ACO2: variants seen among roughly 807,000 people sequenced by gnomAD.
The protein encoded by ACO2 is aconitase 2.
ACO2 carries 31 observed loss-of-function variants against 84.5 expected under a neutral mutation model. The ratio of observed to expected loss-of-function variants is 0.37; its 90% CI spans 0.28 to 0.50. ACO2 has a LOEUF of 0.50. Ranked by LOEUF, ACO2 falls within the 20% of genes least tolerant of loss-of-function variation. The pLI, the probability that ACO2 is intolerant of heterozygous loss-of-function variation, is 0.97. For missense variants in ACO2, 685 were observed against 1,029.3 expected (o/e 0.67, Z 4.58); for synonymous variants, 414 against 412.7 (o/e 1.00, Z -0.04).
intron 14 of ACO2, 138 bp downstream of exon 14, chr22:41,525,486 A>C: frequency 9.0e-7 from 1 of 1,110,554 alleles, no homozygotes; most frequent in Non-Finnish European, 1.3e-6. Context: ...GTTTGGCTGC[A>C]GAGCAGAGAG....
chr22:41,505,749 C>G (rs1238397251), intron 2 of ACO2, among the ~76,000 whole-genome samples: 1 of 151,716 alleles, frequency 6.6e-6, no homozygotes, highest in Non-Finnish European at 1.5e-5. Context: ...GAAAGCCAAT[C>G]AGTAGTGGCA....
At chr22:41,473,972 G>A (rs1424671269) in intron 1 of ACO2, among the ~76,000 whole-genome samples, 1 of 152,104 alleles carries the variant, frequency 6.6e-6, no homozygotes, top group Non-Finnish European at 1.5e-5. Flanking sequence ...GTGAAAACTG[G>A]GAGATTTTAA....
intron 8 of ACO2, among the ~76,000 whole-genome samples, chr22:41,519,457 A>G (rs939512214): frequency 1.3e-5 from 2 of 152,150 alleles, no homozygotes; most frequent in African/African-American, 2.4e-5. Flanking sequence ...AGTGCCTCGC[A>G]TTTACTGATG....
chr22:41,499,796 A>G lies in ACO2; in HGVS notation c.107A>G (p.His36Arg), dbSNP rs1331957699. Reference protein sequence around the residue: ...LCQRAKVAMSHFEPNEYIHYD... With the variant: ...LCQRAKVAMSRFEPNEYIHYD... ...CAACGGGCCAAGGTGGCGATGAGCC[A>G]CTTTGAGCCCAACGAGTACATCCAT... Residue 36 changes from histidine to arginine, a missense_variant, in exon 2 of 18, where the codon CAC becomes CGC. This residue lies in a region of ACO2 where 98 missense variants were observed against 107.6 expected (regional missense o/e 0.91). Transcript: ENST00000216254. The G allele has an allele frequency of 6.2e-7, 1 of 1,614,152 alleles. No homozygotes were observed. The highest frequency in any genetic ancestry group is 1.3e-5 in the African/African-American group (1 of 75,066).
chr22:41,499,130 T>A (rs919255875), intron 1 of ACO2, among the ~76,000 whole-genome samples: 1 of 151,976 alleles, frequency 6.6e-6, no homozygotes, highest in Admixed American at 6.6e-5. Context: ...GGCACCACCT[T>A]TTGAAGGGAT....
chr22:41,528,388 C>T lies in ACO2; in HGVS notation c.2209-91C>T, dbSNP rs574821323. ...GGTTTGCCTGCTGACCTCTTAGGTCCCCAGGCAGTGCCCTGTCTCCCTGAC... is the reference window on the plus strand; with the variant it reads ...GGTTTGCCTGCTGACCTCTTAGGTCTCCAGGCAGTGCCCTGTCTCCCTGAC... On this transcript the variant is annotated intron_variant, in intron 17 of 17. Transcript: ENST00000216254. The T allele has an allele frequency of 2.3e-5, 36 of 1,532,908 alleles. No individual in the cohort carries two copies. In the Admixed American group the frequency reaches 5.3e-4, roughly 22 times the overall value. 95.0% of individuals were successfully genotyped at this position (1,532,908 alleles called of 1,614,324 possible). A position where few individuals can be genotyped will look rare whatever the true frequency, so the allele number is the denominator to read the frequency against.
chr22:41,520,025 C>T, intron 8 of ACO2, 146 bp from the exon 9 acceptor site: 1 of 670,122 alleles, frequency 1.5e-6, no homozygotes, highest in East Asian at 2.9e-5. Flanking sequence ...GAGCCAACTG[C>T]TCAGTTCTTC....
chr22:41,517,327 G>A, intron 6 of ACO2, 200 bp from the exon 7 acceptor site: 1 of 558,132 alleles, frequency 1.8e-6, no homozygotes, highest in Non-Finnish European at 3.3e-6. Flanking sequence ...CCTGAGCTCT[G>A]ATCCCCATGG....
At chr22:41,470,503 T>C (rs898402071) in intron 1 of ACO2, among the ~76,000 whole-genome samples, 4 of 150,480 alleles carry the variant, frequency 2.7e-5, no homozygotes, top group African/African-American at 9.8e-5. Context: ...AGGGAAAGGA[T>C]TTGCACCTAA....
At position 41,524,963 on chromosome 22, in the gene ACO2, A is replaced by C; in HGVS notation, c.1600A>C (p.Lys534Gln). 1 of 1,614,178 alleles carries C rather than the reference A, an allele frequency of 6.2e-7. No individual in the cohort carries two copies. The highest frequency in any genetic ancestry group is 8.5e-7 in the Non-Finnish European group (1 of 1,180,038). Residue 534 changes from lysine to glutamine, a missense_variant, in exon 13 of 18, where the codon AAA becomes CAA. Lys to Gln is a moderately conservative substitution (Grantham distance 53). Coordinates refer to ENST00000216254, the MANE Select transcript of ACO2 (RefSeq NM_001098.3). ...GGCTCCGGATGCAGATGAGCTTCCCAAAGGGGTGAGCGCCCACGCCCCCTG... is the reference window on the plus strand; with the variant it reads ...GGCTCCGGATGCAGATGAGCTTCCCCAAGGGGTGAGCGCCCACGCCCCCTG... ...LEAPDADELPKGEFDPGQDTY... is the reference protein window; with the variant it reads ...LEAPDADELPQGEFDPGQDTY...
chr22:41,503,657 G>A (rs968538927), intron 2 of ACO2, among the ~76,000 whole-genome samples: 1 of 152,140 alleles, frequency 6.6e-6, no homozygotes, highest in Non-Finnish European at 1.5e-5. Context: ...TTGCCACAGA[G>A]CAGGTCTCAA....
In ACO2 at chr22:41,526,407, T is replaced by A. The variant is rs757384666; in HGVS notation, c.1907T>A (p.Val636Asp). Residue 636 changes from valine to aspartate, a missense_variant, in exon 15 of 18, where the codon GTC (valine) becomes GAC (aspartate). Physicochemically the swap from Val to Asp is radical, Grantham distance 152. Coordinates refer to ENST00000216254, the MANE Select transcript of ACO2 (RefSeq NM_001098.3). ...AAGGCCAACTCCGTGCGCAATGCCG[T>A]CACTCAGGAGTTTGGCCCCGTCCCT... Reference protein sequence around the residue: ...NGKANSVRNAVTQEFGPVPDT... With the variant: ...NGKANSVRNADTQEFGPVPDT... 1 of 1,613,878 alleles carries A rather than the reference T, an allele frequency of 6.2e-7. No homozygotes were observed. Among genetic ancestry groups the A allele is most frequent in the South Asian group, 1.1e-5 (1 of 91,064 alleles).
At position 41,492,849 on chromosome 22, in the gene ACO2, C is replaced by T. The variant is rs552175400; in HGVS notation, c.37-6877C>T. Among the ~76,000 whole-genome samples the T allele has an allele frequency of 9.3e-4, 142 of 152,214 alleles. 1 individual carries two copies. The highest frequency in any genetic ancestry group is 3.4e-3 in the Middle Eastern group (1 of 294). ...ATCCCAGCTACTCAGGAGGCTGAGGCGGAAGAATATCTTGAACCTGGGAGG... is the reference window on the plus strand; with the variant it reads ...ATCCCAGCTACTCAGGAGGCTGAGGTGGAAGAATATCTTGAACCTGGGAGG... On this transcript the variant is annotated intron_variant, in intron 1 of 17. Coordinates refer to ENST00000216254, the MANE Select transcript of ACO2 (RefSeq NM_001098.3).
chr22:41,523,341 G>A, intron 11 of ACO2, 63 bp downstream of exon 11: 2 of 1,333,828 alleles, frequency 1.5e-6, no homozygotes, highest in Non-Finnish European at 2.1e-6. Context: ...CCCAGAAGTT[G>A]GAGGGGGAAT....
At chr22:41,519,455 G>A (rs754675282) in intron 8 of ACO2, among the ~76,000 whole-genome samples, 6 of 152,132 alleles carry the variant, frequency 3.9e-5, no homozygotes, top group South Asian at 2.1e-4. Context: ...TGAGTGCCTC[G>A]CATTTACTGA....
chr22:41,473,453 G>A (rs915817915), intron 1 of ACO2, among the ~76,000 whole-genome samples: 1 of 152,150 alleles, frequency 6.6e-6, no homozygotes, highest in Non-Finnish European at 1.5e-5. Flanking sequence ...GCAGTGAACC[G>A]AGATCACGCC....
intron 4 of ACO2, chr22:41,512,302 G>GTT: frequency 4.4e-6 from 1 of 227,186 alleles, no homozygotes. Flanking sequence ...GTATTATTTT[G>GTT]TTTTTTTTCA....
chr22:41,487,641 A>G (rs182176485), intron 1 of ACO2, among the ~76,000 whole-genome samples: 1 of 152,244 alleles, frequency 6.6e-6, no homozygotes, highest in African/African-American at 2.4e-5. Context: ...AACAAAGAAA[A>G]AATTCTTGGT....
At chr22:41,495,054 T>C (rs2066303447) in intron 1 of ACO2, among the ~76,000 whole-genome samples, 2 of 152,114 alleles carry the variant, frequency 1.3e-5, no homozygotes. Context: ...TGAGGCAAGG[T>C]CTTGCTCTGT....
Sources: allele counts gnomAD v4.1 joint callset (sites outside exome capture counted in the v4.1 genomes callset), GRCh38; gene constraint gnomAD v4.1.1; regional missense constraint gnomAD v4.1.1; transcripts MANE v1.5; gene names NCBI Gene and HGNC (gene_info 2026-07-23, HGNC 2026-07-21).